The following BACH2 variants were observed in gnomAD, a reference collection of about 807,000 sequenced individuals.
The protein encoded by BACH2 is transcription regulator protein BACH2.
In BACH2, 5 loss-of-function variants were observed where a neutral mutation model predicts 61.8. That is an observed-to-expected ratio of 0.08 (90% CI 0.04 to 0.17). BACH2 has a LOEUF of 0.17. Among genes scored for constraint, BACH2 ranks in the 10% least tolerant of loss-of-function variants. The pLI is 1.00. For missense variants in BACH2, 824 were observed against 1,091.1 expected (o/e 0.76, Z 3.45); for synonymous variants, 446 against 440.1 (o/e 1.01, Z -0.17).
chr6:90,043,231 T>C (rs528842169), intron 5 of BACH2, among the ~76,000 whole-genome samples: 11 of 152,178 alleles, frequency 7.2e-5, no homozygotes, highest in Admixed American at 6.5e-4. Context: ...CAAAAGTTCA[T>C]GTGTTGGCAA....
chr6:90,267,565 C>T (rs1446992198), intron 2 of BACH2, among the ~76,000 whole-genome samples: 1 of 152,052 alleles, frequency 6.6e-6, no homozygotes, highest in Non-Finnish European at 1.5e-5. Context: ...AAAGTAGATA[C>T]ACATGAATAT....
intron 4 of BACH2, among the ~76,000 whole-genome samples, chr6:90,109,389 GTCCTCCTCTGCTCC>G (rs1479381542): frequency 1.3e-5 from 2 of 152,170 alleles, no homozygotes; most frequent in South Asian, 4.1e-4. Flanking sequence ...CCTCTGCAGA[GTCCTCCTCTGCTCC>G]TCCTCCTCTG....
chr6:90,257,939 C>G (rs777452581), intron 2 of BACH2, among the ~76,000 whole-genome samples: 7 of 152,088 alleles, frequency 4.6e-5, no homozygotes, highest in Non-Finnish European at 8.8e-5. Flanking sequence ...CCACACCCAG[C>G]TAATTTTTGT....
intron 4 of BACH2, among the ~76,000 whole-genome samples, chr6:90,119,532 G>A (rs779291887): frequency 3.3e-5 from 5 of 152,190 alleles, no homozygotes; most frequent in Admixed American, 6.5e-5. Context: ...TTAAAAGCCT[G>A]AAATTTGAAT....
At chr6:90,121,835 C>T (rs747191517) in intron 4 of BACH2, among the ~76,000 whole-genome samples, 22 of 152,094 alleles carry the variant, frequency 1.4e-4, no homozygotes, top group Non-Finnish European at 2.8e-4. Context: ...TGTGAGCCAC[C>T]GTGCCCGGCC....
At chr6:90,043,253 C>T (rs78749499) in intron 5 of BACH2, among the ~76,000 whole-genome samples, 3 of 152,188 alleles carry the variant, frequency 2.0e-5, no homozygotes, top group South Asian at 2.1e-4. Flanking sequence ...TTAATCCTTG[C>T]GACAGCAGTG....
rs1582185735 is a variant in BACH2 at position 90,008,689 on chromosome 6, C to T, written c.156G>A (p.Arg52=). 3.7e-6 allele frequency: 6 copies of T among 1,614,228 alleles called. No homozygotes were observed. Among genetic ancestry groups the T allele is most frequent in the Non-Finnish European group, 5.1e-6 (6 of 1,180,038 alleles). ...IVERKEFRAH[R]AVLAACSEYF... is the part of the protein sequence containing the mutation. ...ATTCACTGCATGCGGCCAGCACAGC[C>T]CGGTGGGCCCGGAACTCCTTCCTCT... The change falls in exon 6 of 9, where the codon CGG becomes CGA. Residue 52 remains arginine (R), a synonymous_variant. Transcript: ENST00000257749. This position sits in a 1 kb window ranked among gnomAD's most constrained non-coding sequence, Gnocchi z 4.1.
At chr6:90,059,105 A>C (rs1029917941) in intron 5 of BACH2, among the ~76,000 whole-genome samples, 9 of 152,248 alleles carry the variant, frequency 5.9e-5, no homozygotes, top group African/African-American at 2.2e-4. Flanking sequence ...AATGGCAACA[A>C]AAGACAAAAT....
rs10455512 is a variant in BACH2, at chr6:89,931,803, T to C, written c.*605A>G. ...AACTGTGAAGCAAGAAAAATGACCA[T>C]GTTAACAGTTACCAAACTAGTTCTA... On this transcript the variant is annotated 3_prime_UTR_variant, in exon 9 of 9. Coordinates refer to ENST00000257749, the MANE Select transcript of BACH2 (RefSeq NM_021813.4). 0.17 allele frequency: 25,179 copies of C among 152,378 alleles called. 2,776 individuals carry two copies. The highest frequency in any genetic ancestry group is 0.42 in the East Asian group (2,235 of 5,282). 9.4% of individuals were successfully genotyped at this position (152,378 alleles called of 1,614,324 possible). A position where few individuals can be genotyped will look rare whatever the true frequency, so the allele number is the denominator to read the frequency against.
At chr6:90,225,255 C>T (rs145346065) in intron 3 of BACH2, among the ~76,000 whole-genome samples, 141 of 152,196 alleles carry the variant, frequency 9.3e-4, no homozygotes, top group African/African-American at 3.1e-3. Flanking sequence ...GTGGTGCATG[C>T]CTGTAGTCCC....
chr6:90,053,999 G>T (rs559511689), intron 5 of BACH2, among the ~76,000 whole-genome samples: 1 of 152,176 alleles, frequency 6.6e-6, no homozygotes, highest in Admixed American at 6.5e-5. Flanking sequence ...AGCCAAGATG[G>T]CCGAATAGGA....
chr6:89,960,591 T>C (rs1774688716), intron 6 of BACH2, among the ~76,000 whole-genome samples: 1 of 152,252 alleles, frequency 6.6e-6, no homozygotes. Flanking sequence ...TTCCAGTGTC[T>C]GCATTCCTCC....
chr6:90,238,226 T>A (rs370772790), intron 3 of BACH2, among the ~76,000 whole-genome samples: 1 of 152,200 alleles, frequency 6.6e-6, no homozygotes, highest in South Asian at 2.1e-4. Context: ...TATCGATCGA[T>A]CGATCATCTA....
At chr6:90,059,097 T>C (rs1675652510) in intron 5 of BACH2, among the ~76,000 whole-genome samples, 2 of 152,244 alleles carry the variant, frequency 1.3e-5, no homozygotes, top group East Asian at 1.9e-4. Context: ...CCAAAAGCAA[T>C]GGCAACAAAA....
At chr6:90,237,182 C>CA (rs1770287578) in intron 3 of BACH2, among the ~76,000 whole-genome samples, 1 of 152,196 alleles carries the variant, frequency 6.6e-6, no homozygotes, top group South Asian at 2.1e-4. Flanking sequence ...CTCGGCCTCC[C>CA]AAAGTGCTGG....
In BACH2 at chr6:90,092,280, T is replaced by TAAAA. The variant is rs200675044; in HGVS notation, c.-161-3175_-161-3172dup. Among the ~76,000 whole-genome samples the TAAAA allele has an allele frequency of 2.9e-3, 226 of 77,142 alleles. 1 individual carries two copies. The highest frequency in any genetic ancestry group is 0.013 in the African/African-American group (212 of 16,208). 50.6% of individuals were successfully genotyped at this position (77,142 alleles called of 152,430 possible). ...CTGTGCAATTGGCACACTGTCAAAGTAAAAAAAAAAAATATATATATATAT... is the reference window on the plus strand; with the variant it reads ...CTGTGCAATTGGCACACTGTCAAAGTAAAAAAAAAAAAAAAATATATATATATAT... On this transcript the variant is annotated intron_variant, in intron 4 of 8. Coordinates refer to ENST00000257749, the MANE Select transcript of BACH2 (RefSeq NM_021813.4).
At chr6:90,244,659 C>T (rs1770573799) in intron 3 of BACH2, among the ~76,000 whole-genome samples, 1 of 152,216 alleles carries the variant, frequency 6.6e-6, no homozygotes, top group Non-Finnish European at 1.5e-5. Context: ...TACATGTGCT[C>T]TGTGCTGTGC....
chr6:90,179,232 A>G (rs1562489697), intron 4 of BACH2, among the ~76,000 whole-genome samples: 1 of 152,196 alleles, frequency 6.6e-6, no homozygotes, highest in Non-Finnish European at 1.5e-5. Context: ...AAAAATGGGA[A>G]GAAATTGATC....
chr6:90,050,630 A>G (rs1779998380), intron 5 of BACH2, among the ~76,000 whole-genome samples: 2 of 152,118 alleles, frequency 1.3e-5, no homozygotes, highest in African/African-American at 2.4e-5. Flanking sequence ...TCATAAAGAT[A>G]TGTTATTCAT....
Sources: allele counts gnomAD v4.1 joint callset (sites outside exome capture counted in the v4.1 genomes callset), GRCh38; gene constraint gnomAD v4.1.1; non-coding constraint Gnocchi (gnomAD v3.1); transcripts MANE v1.5; gene names NCBI Gene and HGNC (gene_info 2026-07-23, HGNC 2026-07-21).